RPP14: variants seen among roughly 807,000 people sequenced by gnomAD.
The protein encoded by RPP14 is ribonuclease P/MRP subunit p14.
RPP14 carries 19 observed loss-of-function variants against 17.8 expected under a neutral mutation model. The observed-to-expected ratio is 1.07, with a 90% CI of 0.74 to 1.57. The LOEUF is 1.57. RPP14 is among the 40% of genes most tolerant of loss of function. The probability of loss-of-function intolerance (pLI) is 0.00; values close to 1 mark genes in which losing one functional copy is unlikely to be tolerated. For synonymous variants in RPP14, 60 were observed against 56.4 expected, an observed-to-expected ratio of 1.06 and a Z score of -0.29; for missense variants, 125 against 140.8, an observed-to-expected ratio of 0.89 and a Z score of 0.57.
intron 3 of RPP14, among the ~76,000 whole-genome samples, chr3:58,311,663 C>T (rs4336086): frequency 0.36 from 54,114 of 149,310 alleles, 10,616 homozygotes; most frequent in East Asian, 0.81. Context: ...TTAAGTTCTA[C>T]ATTTTGCCTA....
intron 4 of RPP14, 112 bp downstream of exon 4, chr3:58,316,703 T>C: frequency 9.6e-7 from 1 of 1,038,836 alleles, no homozygotes; most frequent in South Asian, 1.4e-5. Context: ...TCTGAGCAGC[T>C]TTTGGGAATT....
In RPP14 at chr3:58,316,906, T is replaced by G; in HGVS notation, c.240-9T>G. ...TGACACACTATGTATTTTCTTGATC[T>G]TTCTGCAGTGGTCTTGTCAAATTGT... On this transcript the variant is annotated splice_polypyrimidine_tract_variant and intron_variant, in intron 4 of 5. Coordinates refer to ENST00000295959, the MANE Select transcript of RPP14 (RefSeq NM_007042.6). 1 of 1,609,936 alleles carries G rather than the reference T, an allele frequency of 6.2e-7. No homozygotes were observed. The highest frequency in any genetic ancestry group is 1.3e-5 in the African/African-American group (1 of 74,944).
At chr3:58,317,410 A>C (rs778617798) in intron 5 of RPP14, 30 bp from the exon 6 acceptor site, 1 of 1,512,398 alleles carries the variant, frequency 6.6e-7, no homozygotes, top group Non-Finnish European at 9.1e-7. Flanking sequence ...GGTTTCTCCC[A>C]ATGCCTTAAC....
chr3:58,307,349 A>T (rs577363189), intron 1 of RPP14, among the ~76,000 whole-genome samples: 119 of 152,338 alleles, frequency 7.8e-4, no homozygotes, highest in Admixed American at 3.2e-3. Flanking sequence ...CGCCGTAGGG[A>T]TGGAGAAGCG....
rs944734875 is a variant in RPP14, at chr3:58,317,794, G to A, written c.*298G>A. 1.4e-6 allele frequency: 1 copy of A among 703,050 alleles called. No homozygotes were observed. The highest frequency in any genetic ancestry group is 2.6e-6 in the Non-Finnish European group (1 of 385,002). 43.6% of individuals were successfully genotyped at this position (703,050 alleles called of 1,614,324 possible). Reference sequence around the variant, plus strand: ...TGTGGCTACCTTCTCAGAATTAACAGGGGATGTCAATCCTTTGCATTTGAA... The same window carrying A: ...TGTGGCTACCTTCTCAGAATTAACAAGGGATGTCAATCCTTTGCATTTGAA... On this transcript the variant is annotated 3_prime_UTR_variant, in exon 6 of 6. Transcript: ENST00000295959.
rs1298896167 is a variant in RPP14 at position 58,317,550 on chromosome 3, G to A, written c.*54G>A. ...CATCCACTCTCATATTTATTTTTTG[G>A]TGCCTGCATGTTTGAAGACTGAAGC... On this transcript the variant is annotated 3_prime_UTR_variant, in exon 6 of 6. Transcript: ENST00000295959. 1.7e-5 allele frequency: 21 copies of A among 1,217,554 alleles called. No individual in the cohort carries two copies. Among genetic ancestry groups the A allele is most frequent in the Non-Finnish European group, 2.3e-5 (19 of 831,916 alleles). The allele number at this position is 1,217,554 out of a possible 1,614,324, so 75.4% of individuals were successfully genotyped here. A position where few individuals can be genotyped will look rare whatever the true frequency, so the allele number is the denominator to read the frequency against.
At chr3:58,316,443 G>T in intron 3 of RPP14, 72 bp from the exon 4 acceptor site, 1 of 1,362,896 alleles carries the variant, frequency 7.3e-7, no homozygotes, top group Non-Finnish European at 1.0e-6. Context: ...AAACTCATTT[G>T]TTGTCAAAAG....
chr3:58,314,105 C>G (rs2097485321), intron 3 of RPP14, among the ~76,000 whole-genome samples: 1 of 151,838 alleles, frequency 6.6e-6, no homozygotes, highest in Admixed American at 6.6e-5. Context: ...AATCCCAGCA[C>G]TTTGGGAGGC....
At chr3:58,316,357 G>A in intron 3 of RPP14, 158 bp from the exon 4 acceptor site, 1 of 629,042 alleles carries the variant, frequency 1.6e-6, no homozygotes, top group South Asian at 1.8e-5. Context: ...ATTCTAGGCA[G>A]GGGGAGCTGT....
chr3:58,316,725 G>A (rs2097488642), intron 4 of RPP14, 134 bp downstream of exon 4: 1 of 906,280 alleles, frequency 1.1e-6, no homozygotes, highest in South Asian at 1.5e-5. Context: ...AAACTGGGAT[G>A]AATATGAACA....
intron 3 of RPP14, among the ~76,000 whole-genome samples, chr3:58,310,978 A>T (rs570035683): frequency 7.8e-4 from 119 of 151,930 alleles, no homozygotes; most frequent in African/African-American, 1.0e-3. Context: ...AAAAAAAAAA[A>T]AAATAAATTA....
Position 58,310,610 on chromosome 3 carries a change from G to A in RPP14, c.162+19G>A. The A allele has an allele frequency of 6.3e-7, 1 of 1,588,192 alleles. No homozygotes were observed. The highest frequency in any genetic ancestry group is 1.1e-5 in the South Asian group (1 of 88,184). The stretch of plus-strand genomic sequence containing the variant: ...TGGGGAGGTATGGAATCACTTGGTA[G>A]ATTGAACATTCCAAAGATCTTTGTA... On this transcript the variant is annotated intron_variant, in intron 3 of 5. Coordinates refer to ENST00000295959, the MANE Select transcript of RPP14 (RefSeq NM_007042.6).
At chr3:58,316,866 T>C in intron 4 of RPP14, 49 bp from the exon 5 acceptor site, 1 of 1,469,802 alleles carries the variant, frequency 6.8e-7, no homozygotes. Context: ...TGAAGTTCAT[T>C]TTGTTCTCTG....
chr3:58,316,855 T>C, intron 4 of RPP14, 60 bp from the exon 5 acceptor site: 2 of 1,378,058 alleles, frequency 1.5e-6, no homozygotes, highest in South Asian at 1.2e-5. Flanking sequence ...GAAACCTTAG[T>C]TGAAGTTCAT....
chr3:58,314,730 G>C lies in RPP14; in HGVS notation c.163-1785G>C, dbSNP rs541006096. ...AGATGGAGTCTCGTTCTGTCACCGGGCTGGAGTGCAGTGGCACAATCTTGG... is the reference window on the plus strand; with the variant it reads ...AGATGGAGTCTCGTTCTGTCACCGGCCTGGAGTGCAGTGGCACAATCTTGG... On this transcript the variant is annotated intron_variant, in intron 3 of 5. Coordinates refer to ENST00000295959, the MANE Select transcript of RPP14 (RefSeq NM_007042.6). 3.0e-5 allele frequency among the ~76,000 whole-genome samples: 4 copies of C among 131,438 alleles called. No individual in the cohort carries two copies. The South Asian group carries it at 1.1e-3, about 36-fold the overall frequency. The allele number at this position is 131,438 out of a possible 152,430, so 86.2% of individuals were successfully genotyped here. A position where few individuals can be genotyped will look rare whatever the true frequency, so the allele number is the denominator to read the frequency against.
At chr3:58,308,221 C>A (rs1306834196) in intron 1 of RPP14, among the ~76,000 whole-genome samples, 5 of 152,068 alleles carry the variant, frequency 3.3e-5, no homozygotes, top group Non-Finnish European at 7.4e-5. Context: ...AATATATAGG[C>A]CTATACCACT....
chr3:58,317,967 A>G lies in RPP14; in HGVS notation c.*471A>G. 1 of 702,914 alleles carries G rather than the reference A, an allele frequency of 1.4e-6. No individual in the cohort carries two copies. The highest frequency in any genetic ancestry group is 2.6e-6 in the Non-Finnish European group (1 of 384,994). The allele number at this position is 702,914 out of a possible 1,614,324, so 43.5% of individuals were successfully genotyped here. A position where few individuals can be genotyped will look rare whatever the true frequency, so the allele number is the denominator to read the frequency against. On this transcript the variant is annotated 3_prime_UTR_variant, in exon 6 of 6. Coordinates refer to ENST00000295959, the MANE Select transcript of RPP14 (RefSeq NM_007042.6). ...AGGAAATTAGCTTTCCAGCCCCTTT[A>G]TATATTGGAGAAGTTGTTTTAGCTT...
intron 3 of RPP14, among the ~76,000 whole-genome samples, chr3:58,311,706 T>C (rs2097482434): frequency 6.6e-6 from 1 of 151,066 alleles, no homozygotes; most frequent in East Asian, 2.0e-4. Flanking sequence ...AGTGCATATG[T>C]CCTTTTTTTT....
intron 4 of RPP14, 43 bp from the exon 5 acceptor site, chr3:58,316,872 C>A: frequency 6.7e-7 from 1 of 1,490,210 alleles, no homozygotes; most frequent in Non-Finnish European, 9.3e-7. Context: ...TCATTTTGTT[C>A]TCTGTCTATG....
Sources: allele counts gnomAD v4.1 joint callset (sites outside exome capture counted in the v4.1 genomes callset), GRCh38; gene constraint gnomAD v4.1.1; transcripts MANE v1.5; gene names NCBI Gene and HGNC (gene_info 2026-07-23, HGNC 2026-07-21).